PTPRE: variants seen among roughly 807,000 people sequenced by gnomAD.
The protein encoded by PTPRE is protein tyrosine phosphatase receptor type E, also known as receptor-type tyrosine-protein phosphatase epsilon.
In PTPRE, 51 loss-of-function variants were observed where a neutral mutation model predicts 102.0. That is an observed-to-expected ratio of 0.50 (90% CI 0.40 to 0.63). PTPRE has a LOEUF of 0.63. Ranked by LOEUF, PTPRE falls within the 30% of genes least tolerant of loss-of-function variation. The probability of loss-of-function intolerance (pLI) is 0.00; values close to 1 mark genes in which losing one functional copy is unlikely to be tolerated. For synonymous variants in PTPRE, 345 were observed against 348.2 expected (o/e 0.99, Z 0.10); for missense variants, 752 against 915.1 (o/e 0.82, Z 2.30).
At chr10:128,078,882 G>A (rs772947225) in intron 19 of PTPRE, among the ~76,000 whole-genome samples, 1 of 152,190 alleles carries the variant, frequency 6.6e-6, no homozygotes, top group Non-Finnish European at 1.5e-5. Flanking sequence ...GAGCACAGAG[G>A]GCAGCCAGGC....
At chr10:127,930,998 G>A (rs1847396175) in intron 1 of PTPRE, among the ~76,000 whole-genome samples, 1 of 151,922 alleles carries the variant, frequency 6.6e-6, no homozygotes, top group African/African-American at 2.4e-5. Flanking sequence ...TCGCCATGTT[G>A]GTCAGGATGG....
intron 11 of PTPRE, among the ~76,000 whole-genome samples, chr10:128,067,093 T>C (rs965848901): frequency 7.0e-6 from 1 of 143,826 alleles, no homozygotes; most frequent in Non-Finnish European, 1.5e-5. Context: ...GGCACACACA[T>C]GCACACACAC....
chr10:128,021,034 A>T (rs377335250), intron 2 of PTPRE, among the ~76,000 whole-genome samples: 1 of 151,998 alleles, frequency 6.6e-6, no homozygotes, highest in Non-Finnish European at 1.5e-5. Context: ...AGCTGGGACT[A>T]CAGGTGCCCG....
intron 2 of PTPRE, among the ~76,000 whole-genome samples, chr10:128,026,826 C>T (rs2135719805): frequency 6.6e-6 from 1 of 152,360 alleles, no homozygotes; most frequent in East Asian, 1.9e-4. Flanking sequence ...GCTGAGTCAA[C>T]AAATTTTTAC....
chr10:127,920,108 AATG>A (rs777046271), intron 1 of PTPRE, among the ~76,000 whole-genome samples: 12 of 152,212 alleles, frequency 7.9e-5, no homozygotes, highest in Middle Eastern at 3.4e-3. Context: ...TTGTGGCTAG[AATG>A]ATGTTGGGTG....
intron 1 of PTPRE, among the ~76,000 whole-genome samples, chr10:127,964,490 G>T (rs1812886): frequency 0.49 from 74,194 of 151,828 alleles, 18,904 homozygotes; most frequent in African/African-American, 0.65. Context: ...TTTATCAAAT[G>T]TAAACTTCTA....
In PTPRE at chr10:127,974,721, G is replaced by A. The variant is rs1458781559; in HGVS notation, c.-30-7553G>A. 3.9e-5 allele frequency among the ~76,000 whole-genome samples: 6 copies of A among 152,132 alleles called. 1 individual carries two copies. Among genetic ancestry groups the A allele is most frequent in the African/African-American group, 1.4e-4 (6 of 41,426 alleles). On this transcript the variant is annotated intron_variant, in intron 1 of 20. Transcript: ENST00000254667. Reference sequence around the variant, plus strand: ...GCATATTGATGTACTCATTCAACTAGTATTTTATGAGTTTCTGGTACATGC... The same window carrying A: ...GCATATTGATGTACTCATTCAACTAATATTTTATGAGTTTCTGGTACATGC...
intron 1 of PTPRE, among the ~76,000 whole-genome samples, chr10:127,927,378 G>T (rs1847108182): frequency 6.6e-6 from 1 of 152,228 alleles, no homozygotes. Context: ...AATGTGGCAA[G>T]ACACTCCGCA....
intron 1 of PTPRE, among the ~76,000 whole-genome samples, chr10:127,953,056 T>A (rs1227871968): frequency 5.9e-5 from 9 of 152,202 alleles, no homozygotes; most frequent in Non-Finnish European, 1.2e-4. Flanking sequence ...AAGTGCCTAG[T>A]GAAACTATTT....
chr10:128,041,110 G>A (rs561797644), intron 3 of PTPRE, 120 bp downstream of exon 3: 1 of 843,982 alleles, frequency 1.2e-6, no homozygotes, highest in East Asian at 2.7e-5. Flanking sequence ...ATTTCTTAGT[G>A]TGCTTTTAAT....
chr10:127,970,829 C>A (rs148099860), intron 1 of PTPRE, among the ~76,000 whole-genome samples: 1 of 151,566 alleles, frequency 6.6e-6, no homozygotes, highest in South Asian at 2.1e-4. Context: ...TATTCCTATT[C>A]GTATCATAGG....
At position 128,077,647 on chromosome 10, in the gene PTPRE, G is replaced by A; in HGVS notation, c.1756G>A (p.Val586Ile). Residue 586 changes from valine to isoleucine, a missense_variant, in exon 19 of 21, where the codon GTA (valine) becomes ATA (isoleucine). By Grantham distance (29) the Val-to-Ile change is conservative. Coordinates refer to ENST00000254667, the MANE Select transcript of PTPRE (RefSeq NM_006504.6). ...PQARQEEQVR[V>I]VRQFHFHGWP... is the part of the protein sequence containing the mutation. ...GGCCCGCCAGGAGGAGCAGGTCCGA[G>A]TAGTGCGCCAGTTTCACTTCCACGG... The A allele has an allele frequency of 6.2e-7, 1 of 1,613,360 alleles. No homozygotes were observed. The highest frequency in any genetic ancestry group is 2.2e-5 in the East Asian group (1 of 44,856).
rs1845566688 is a variant in PTPRE, at chr10:127,907,539, C to T, written c.-31+230C>T. On this transcript the variant is annotated intron_variant, in intron 1 of 20. Coordinates refer to ENST00000254667, the MANE Select transcript of PTPRE (RefSeq NM_006504.6). This position sits in a 1 kb window ranked among gnomAD's most constrained non-coding sequence, Gnocchi z 4.8. ...TGTGGCGCGTCCCCTCACCCGGAGT[C>T]CCCAGCCCAACTTGGCGACCACAGT... 1.3e-5 allele frequency among the ~76,000 whole-genome samples: 2 copies of T among 151,922 alleles called. No homozygotes were observed. The highest frequency in any genetic ancestry group is 4.2e-4 in the South Asian group (2 of 4,806).
chr10:128,077,715 T>A lies in PTPRE; in HGVS notation c.1824T>A (p.Ile608=). 1 of 1,613,624 alleles carries A rather than the reference T, an allele frequency of 6.2e-7. No individual in the cohort carries two copies. ...TTCCCGCCGAGGGCAAAGGCATGAT[T>A]GACCTCATCGCAGCCGTGCAGAAGC... ...IGIPAEGKGM[I]DLIAAVQKQQ... is the part of the protein sequence containing the mutation. The change falls in exon 19 of 21, where the codon ATT becomes ATA. Residue 608 remains isoleucine, a synonymous_variant. Transcript: ENST00000254667.
intron 2 of PTPRE, among the ~76,000 whole-genome samples, 193 bp downstream of exon 2, chr10:127,982,489 C>CGTGTGT (rs59170572): frequency 0.029 from 4,171 of 142,646 alleles, 88 homozygotes; most frequent in Non-Finnish European, 0.041. Context: ...ACATCATTTG[C>CGTGTGT]GTGTGTGTGT....
At chr10:128,041,742 T>C (rs970639519) in intron 3 of PTPRE, among the ~76,000 whole-genome samples, 1 of 151,978 alleles carries the variant, frequency 6.6e-6, no homozygotes, top group Non-Finnish European at 1.5e-5. Context: ...GAAGAGTCCT[T>C]GCCTTTTGAC....
At chr10:128,023,319 T>C (rs1846058253) in intron 2 of PTPRE, among the ~76,000 whole-genome samples, 1 of 151,998 alleles carries the variant, frequency 6.6e-6, no homozygotes, top group Admixed American at 6.6e-5. Context: ...AAAAGGATAG[T>C]ATATATACAT....
At chr10:128,002,392 G>A (rs978365556) in intron 2 of PTPRE, among the ~76,000 whole-genome samples, 1 of 152,182 alleles carries the variant, frequency 6.6e-6, no homozygotes, top group Non-Finnish European at 1.5e-5. Flanking sequence ...GGGCAGGGAA[G>A]ACACTGCTGT....
chr10:128,025,683 G>T (rs1846241140), intron 2 of PTPRE, among the ~76,000 whole-genome samples: 2 of 152,122 alleles, frequency 1.3e-5, no homozygotes. Context: ...GGGCCTCCCT[G>T]CCTGCACTGG....
Sources: gnomAD v4.1 joint callset for allele counts (sites outside exome capture counted in the v4.1 genomes callset) on GRCh38, gnomAD v4.1.1 for gene constraint, Gnocchi (gnomAD v3.1) non-coding constraint, MANE v1.5 for transcripts, NCBI Gene and HGNC (gene_info 2026-07-23, HGNC 2026-07-21) for gene names.